The following CTDSPL2 variants were observed in gnomAD, a reference collection of about 807,000 sequenced individuals.
CTDSPL2 encodes the protein CTD small phosphatase like 2, also known as CTD small phosphatase-like protein 2.
CTDSPL2 carries 5 observed loss-of-function variants against 60.0 expected under a neutral mutation model. The observed-to-expected ratio is 0.08, with a 90% CI of 0.04 to 0.18. The LOEUF is 0.18. CTDSPL2 is among the 10% of genes least tolerant of loss of function. CTDSPL2 has a pLI of 1.00. For missense variants in CTDSPL2, 370 were observed against 548.8 expected, an observed-to-expected ratio of 0.67 and a Z score of 3.26; for synonymous variants, 186 against 189.3, an observed-to-expected ratio of 0.98 and a Z score of 0.14.
chr15:44,451,820 C>G (rs9673085), intron 1 of CTDSPL2, among the ~76,000 whole-genome samples: 15,562 of 152,064 alleles, frequency 0.1, 1,660 homozygotes, highest in African/African-American at 0.25. Context: ...ATTATTTTTT[C>G]TTTTTAAATA....
At position 44,461,064 on chromosome 15, in the gene CTDSPL2, A is replaced by G. The variant is rs148195152; in HGVS notation, c.186+1864A>G. ...GTGCAAGTACAAACCTTCAGTCATT[A>G]TACAGGGCAGCTATTTCTAGTTTTC... On this transcript the variant is annotated intron_variant, in intron 2 of 12. Transcript: ENST00000260327. Among the ~76,000 whole-genome samples, 230 of 152,316 alleles carry G rather than the reference A, an allele frequency of 1.5e-3. 1 individual carries two copies. The highest frequency in any genetic ancestry group is 5.1e-3 in the African/African-American group (214 of 41,572).
intron 1 of CTDSPL2, among the ~76,000 whole-genome samples, chr15:44,435,608 GTT>G (rs1220492528): frequency 2.2e-5 from 3 of 133,760 alleles, no homozygotes; most frequent in Admixed American, 7.6e-5. Context: ...TTGTAGAGTT[GTT>G]TTTTTTTTTT....
At chr15:44,448,600 C>T (rs192570535) in intron 1 of CTDSPL2, 19 of 296,410 alleles carry the variant, frequency 6.4e-5, no homozygotes, top group Middle Eastern at 1.4e-3. Context: ...GCCAAATTGA[C>T]CCACATTTTC....
rs187037419 is a variant in CTDSPL2 at position 44,471,363 on chromosome 15, T to G, written c.186+12163T>G. Reference sequence around the variant, plus strand: ...CTTCTTTGTAGCAGCTTTATTGAGATATAATTTATATACCAGAAAATTCAC... The same window carrying G: ...CTTCTTTGTAGCAGCTTTATTGAGAGATAATTTATATACCAGAAAATTCAC... On this transcript the variant is annotated intron_variant, in intron 2 of 12. Transcript: ENST00000260327. Among the ~76,000 whole-genome samples, 5 of 152,340 alleles carry G rather than the reference T, an allele frequency of 3.3e-5. No homozygotes were observed. The East Asian group carries it at 9.6e-4, about 29-fold the overall frequency.
At chr15:44,498,604 A>T (rs2081339846) in intron 7 of CTDSPL2, among the ~76,000 whole-genome samples, 1 of 152,076 alleles carries the variant, frequency 6.6e-6, no homozygotes, top group African/African-American at 2.4e-5. Context: ...AAGGAAGGAA[A>T]GAAAATTTAT....
At chr15:44,453,501 T>C (rs2080371897) in intron 1 of CTDSPL2, among the ~76,000 whole-genome samples, 1 of 152,122 alleles carries the variant, frequency 6.6e-6, no homozygotes, top group South Asian at 2.1e-4. Flanking sequence ...TGTATACATG[T>C]GCCATGTTGG....
intron 1 of CTDSPL2, among the ~76,000 whole-genome samples, chr15:44,446,114 C>A (rs2080208583): frequency 6.6e-6 from 1 of 151,902 alleles, no homozygotes; most frequent in Non-Finnish European, 1.5e-5. Flanking sequence ...TTAGTGGAGA[C>A]AGGGTTTCAC....
chr15:44,430,755 G>A (rs1054920024), intron 1 of CTDSPL2, among the ~76,000 whole-genome samples: 4 of 152,170 alleles, frequency 2.6e-5, no homozygotes, highest in Middle Eastern at 3.4e-3. Flanking sequence ...AATTTTTCTG[G>A]TTAAAAGTAA....
At chr15:44,455,593 C>T (rs2080418542) in intron 1 of CTDSPL2, among the ~76,000 whole-genome samples, 1 of 152,056 alleles carries the variant, frequency 6.6e-6, no homozygotes, top group Admixed American at 6.6e-5. Flanking sequence ...GAGATACATC[C>T]CATCAATACC....
chr15:44,494,832 C>T (rs574941722), intron 5 of CTDSPL2, among the ~76,000 whole-genome samples: 2 of 150,878 alleles, frequency 1.3e-5, no homozygotes, highest in East Asian at 4.0e-4. Flanking sequence ...AGGAGATTTG[C>T]TTGAACCGGT....
chr15:44,438,132 T>C (rs2080012860), intron 1 of CTDSPL2, among the ~76,000 whole-genome samples: 1 of 152,010 alleles, frequency 6.6e-6, no homozygotes, highest in South Asian at 2.1e-4. Flanking sequence ...GGCGTGGTGG[T>C]GGGCGCCTGT....
intron 1 of CTDSPL2, among the ~76,000 whole-genome samples, chr15:44,433,848 G>A (rs1438003489): frequency 6.6e-6 from 1 of 151,156 alleles, no homozygotes; most frequent in Non-Finnish European, 1.5e-5. Context: ...ATCTACTTGG[G>A]AGGCTAAGGC....
At chr15:44,484,174 A>G in intron 2 of CTDSPL2, 50 bp from the exon 3 acceptor site, 1 of 1,502,844 alleles carries the variant, frequency 6.7e-7, no homozygotes, top group Non-Finnish European at 9.0e-7. Context: ...TGTAACCTGT[A>G]AGGCAGAATG....
intron 1 of CTDSPL2, chr15:44,449,013 T>G (rs1176684190): frequency 2.9e-6 from 1 of 341,714 alleles, no homozygotes; most frequent in Non-Finnish European, 5.6e-6. Context: ...AAATATTTCC[T>G]TGAGTTTCTT....
At chr15:44,435,399 G>A (rs1403987136) in intron 1 of CTDSPL2, among the ~76,000 whole-genome samples, 3 of 151,762 alleles carry the variant, frequency 2.0e-5, no homozygotes, top group East Asian at 2.0e-4. Context: ...GCGAAACCCC[G>A]TCTCTACCAA....
At chr15:44,520,725 T>G (rs1294520799) in intron 11 of CTDSPL2, 2 of 152,240 alleles carry the variant, frequency 1.3e-5, no homozygotes, top group Admixed American at 1.3e-4. Flanking sequence ...TTAGCCTAAA[T>G]TTTAAAACAT....
chr15:44,499,194 C>T (rs1210245096), intron 7 of CTDSPL2, among the ~76,000 whole-genome samples: 1 of 152,054 alleles, frequency 6.6e-6, no homozygotes, highest in Non-Finnish European at 1.5e-5. Flanking sequence ...TTCCTGAGGT[C>T]AGGAGTTCGA....
chr15:44,429,199 A>G (rs1376132209), intron 1 of CTDSPL2, among the ~76,000 whole-genome samples: 1 of 152,232 alleles, frequency 6.6e-6, no homozygotes, highest in African/African-American at 2.4e-5. Context: ...GCCCAAGGTC[A>G]TAAAGAAAGT....
rs192945487 is a variant in CTDSPL2 at position 44,434,558 on chromosome 15, C to G, written c.-25+6786C>G. ...ACAGGTGTGCACCACCACGCCTGGC[C>G]AAGTTTTAAAATTTTTAAATAAAGG... is the stretch of plus-strand genomic sequence containing the variant. On this transcript the variant is annotated intron_variant, in intron 1 of 12. Transcript: ENST00000260327. Among the ~76,000 whole-genome samples the G allele has an allele frequency of 1.7e-4, 26 of 152,260 alleles. 1 individual carries two copies. In the East Asian group the frequency reaches 4.6e-3, roughly 27 times the overall value.
Sources: allele counts gnomAD v4.1 joint callset (sites outside exome capture counted in the v4.1 genomes callset), GRCh38; gene constraint gnomAD v4.1.1; transcripts MANE v1.5; gene names NCBI Gene and HGNC (gene_info 2026-07-23, HGNC 2026-07-21).